The following PIK3C2A variants were observed in gnomAD, a reference collection of about 807,000 sequenced individuals.
PIK3C2A encodes phosphatidylinositol 4-phosphate 3-kinase C2 domain-containing subunit alpha.
In PIK3C2A, 97 loss-of-function variants were observed where a neutral mutation model predicts 204.5. The ratio of observed to expected loss-of-function variants is 0.47; its 90% CI spans 0.40 to 0.56. The LOEUF (loss-of-function observed/expected upper bound fraction) is 0.56. Among genes scored for constraint, PIK3C2A ranks in the 20% least tolerant of loss-of-function variants. PIK3C2A has a pLI of 0.00. For missense variants in PIK3C2A, 1,735 were observed against 1,969.2 expected (o/e 0.88, Z 2.25); for synonymous variants, 653 against 664.4 (o/e 0.98, Z 0.26).
intron 1 of PIK3C2A, 88 bp downstream of exon 1, chr11:17,207,760 C>T (rs1457085751): frequency 6.6e-6 from 1 of 152,350 alleles, no homozygotes; most frequent in African/African-American, 2.4e-5. Flanking sequence ...ACAAGAGACC[C>T]TTCCAGCCCG....
intron 13 of PIK3C2A, among the ~76,000 whole-genome samples, chr11:17,128,845 C>T (rs1849603886): frequency 1.3e-5 from 2 of 151,956 alleles, no homozygotes; most frequent in South Asian, 4.2e-4. Flanking sequence ...AGACTAGGGG[C>T]ATTTGGCAGT....
intron 11 of PIK3C2A, among the ~76,000 whole-genome samples, chr11:17,132,557 C>T (rs1350640536): frequency 6.6e-6 from 1 of 151,318 alleles, no homozygotes; most frequent in African/African-American, 2.4e-5. Flanking sequence ...TCTTGATCTC[C>T]TGACCTCATG....
intron 21 of PIK3C2A, among the ~76,000 whole-genome samples, chr11:17,111,493 T>C (rs1050153274): frequency 3.3e-5 from 5 of 152,124 alleles, no homozygotes; most frequent in African/African-American, 1.2e-4. Flanking sequence ...TTAAACTGGA[T>C]AAAATAATTT....
chr11:17,137,423 CT>C, intron 8 of PIK3C2A, among the ~76,000 whole-genome samples: 1 of 125,062 alleles, frequency 8.0e-6, no homozygotes, highest in African/African-American at 3.0e-5. Context: ...ATTACTTTGC[CT>C]TTTTTTTTGA....
Position 17,116,832 on chromosome 11 carries a change from G to A in PIK3C2A, c.3216+659C>T, listed in dbSNP as rs182915168. Among the ~76,000 whole-genome samples, 688 of 152,134 alleles carry A rather than the reference G, an allele frequency of 4.5e-3. 10 individuals carry two copies. Among genetic ancestry groups the A allele is most frequent in the African/African-American group, 0.016 (653 of 41,506 alleles). ...TCTCGATCTCCTGACCTCGTGATCT[G>A]CCCGCCTGGGCCTCCCAAAGTGCTG... On this transcript the variant is annotated intron_variant, in intron 19 of 32. Coordinates refer to ENST00000691414, the MANE Select transcript of PIK3C2A (RefSeq NM_002645.4).
intron 8 of PIK3C2A, among the ~76,000 whole-genome samples, chr11:17,145,058 T>C (rs1015911364): frequency 2.6e-5 from 4 of 152,158 alleles, no homozygotes; most frequent in Non-Finnish European, 4.4e-5. Flanking sequence ...ATCCAGGAAG[T>C]AACTAACTTG....
intron 22 of PIK3C2A, among the ~76,000 whole-genome samples, chr11:17,105,519 T>C (rs1477779142): frequency 6.6e-6 from 1 of 152,136 alleles, no homozygotes; most frequent in Non-Finnish European, 1.5e-5. Context: ...ATACATTAGG[T>C]ATTTGTCCTA....
At chr11:17,155,969 G>C (rs1293232507) in intron 2 of PIK3C2A, among the ~76,000 whole-genome samples, 1 of 152,148 alleles carries the variant, frequency 6.6e-6, no homozygotes, top group Non-Finnish European at 1.5e-5. Flanking sequence ...TCTGTTTTAA[G>C]AATATGAAGA....
At chr11:17,093,701 G>A (rs1848376702) in intron 28 of PIK3C2A, among the ~76,000 whole-genome samples, 1 of 150,388 alleles carries the variant, frequency 6.6e-6, no homozygotes, top group African/African-American at 2.5e-5. Flanking sequence ...GCAGTGATGT[G>A]ATCTTCGCTC....
In PIK3C2A at chr11:17,091,552, C is replaced by A. The variant is rs763977292; in HGVS notation, c.4747G>T (p.Asp1583Tyr). The change falls in exon 31 of 33, where the codon GAT (aspartate) becomes TAT (tyrosine). Residue 1583 changes from aspartate to tyrosine, a missense_variant. By Grantham distance (160) the Asp-to-Tyr change is radical (BLOSUM62 -3). Coordinates refer to ENST00000691414, the MANE Select transcript of PIK3C2A (RefSeq NM_002645.4). Reference protein sequence around the residue: ...TLFIMVMHIKDLVTEDGADPN... With the variant: ...TLFIMVMHIKYLVTEDGADPN... The stretch of plus-strand genomic sequence containing the variant: ...CATTCTTTGTAATCACTCACAAGAT[C>A]TTTGATATGCATCACCATGATGAAA... The A allele has an allele frequency of 3.1e-6, 5 of 1,609,110 alleles. No individual in the cohort carries two copies. In the Admixed American group the frequency reaches 8.4e-5, roughly 27 times the overall value.
chr11:17,193,873 AAAAGAAAAGAAAAG>A, intron 1 of PIK3C2A: 1 of 111,292 alleles, frequency 9.0e-6, no homozygotes. Flanking sequence ...AAAAGAAAAG[AAAAGAAAAGAAAAG>A]AAAAGAAAAG....
At chr11:17,157,206 C>G (rs1850623725) in intron 2 of PIK3C2A, among the ~76,000 whole-genome samples, 1 of 152,016 alleles carries the variant, frequency 6.6e-6, no homozygotes, top group African/African-American at 2.4e-5. Context: ...GTTAAAAGTA[C>G]AGTACCACTG....
intron 27 of PIK3C2A, among the ~76,000 whole-genome samples, chr11:17,095,119 C>T (rs1368342928): frequency 6.6e-6 from 1 of 152,068 alleles, no homozygotes; most frequent in South Asian, 2.1e-4. Context: ...TGTGGTGGCA[C>T]ATGCCTGTAG....
intron 8 of PIK3C2A, among the ~76,000 whole-genome samples, chr11:17,144,850 G>A (rs921442797): frequency 3.7e-5 from 5 of 135,582 alleles, no homozygotes; most frequent in African/African-American, 1.4e-4. Flanking sequence ...AGCCGAGATC[G>A]TGCCACTGCA....
At chr11:17,193,869 A>AGGGGAGGGG (rs1565305770) in intron 1 of PIK3C2A, 3 of 91,880 alleles carry the variant, frequency 3.3e-5, no homozygotes, top group Admixed American at 1.5e-4. Flanking sequence ...AAAGAAAAGA[A>AGGGGAGGGG]AAGAAAAGAA....
intron 3 of PIK3C2A, among the ~76,000 whole-genome samples, chr11:17,155,225 CA>C (rs1850544886): frequency 6.6e-6 from 1 of 152,104 alleles, no homozygotes; most frequent in Non-Finnish European, 1.5e-5. Flanking sequence ...CTCTCTAAAA[CA>C]AAAGTAGGTA....
In PIK3C2A at chr11:17,097,056, CATA is replaced by C. The variant is rs772083223; in HGVS notation, c.4324_4326del (p.Tyr1442del). The C allele has an allele frequency of 4.0e-6, 6 of 1,499,610 alleles. No homozygotes were observed. The highest frequency in any genetic ancestry group is 4.6e-6 in the Non-Finnish European group (5 of 1,076,854). 92.9% of individuals were successfully genotyped at this position (1,499,610 alleles called of 1,614,324 possible). A position where few individuals can be genotyped will look rare whatever the true frequency, so the allele number is the denominator to read the frequency against. The stretch of plus-strand genomic sequence containing the variant: ...TTTATGAATATTGAAATCAAACTTA[CATA>C]ATGTTTATCTGGGTTGTATTTCTTA... On this transcript the variant is annotated inframe_deletion and splice_region_variant, in exon 27 of 33. Transcript: ENST00000691414.
Position 17,168,854 on chromosome 11 carries a change from T to C in PIK3C2A, c.888A>G (p.Ser296=). Residue 296 remains serine (S), a synonymous_variant, in exon 2 of 33, where the codon TCA becomes TCG. Transcript: ENST00000691414. ...CCCAAGGATCCTTTGCTAGCAAACT[T>C]GAAACATTTTTCTCTTCCTCATGGT... ...VLDHEEEKNV[S]SLLAKDPWDA... The C allele has an allele frequency of 6.2e-7, 1 of 1,614,150 alleles. No individual in the cohort carries two copies. Among genetic ancestry groups the C allele is most frequent in the Non-Finnish European group, 8.5e-7 (1 of 1,180,014 alleles).
chr11:17,164,886 T>C (rs963573628), intron 2 of PIK3C2A, among the ~76,000 whole-genome samples: 4 of 152,104 alleles, frequency 2.6e-5, no homozygotes, highest in African/African-American at 7.2e-5. Flanking sequence ...TCCAAGATAC[T>C]TTCTGAAAGC....
Sources: gnomAD v4.1 joint callset for allele counts (sites outside exome capture counted in the v4.1 genomes callset) on GRCh38, gnomAD v4.1.1 for gene constraint, MANE v1.5 for transcripts, NCBI Gene and HGNC (gene_info 2026-07-23, HGNC 2026-07-21) for gene names.